NLRP14: variants seen among roughly 807,000 people sequenced by gnomAD.
NLRP14 encodes the protein NACHT, LRR and PYD domains-containing protein 14.
NLRP14 carries 105 observed loss-of-function variants against 94.7 expected under a neutral mutation model. That is an observed-to-expected ratio of 1.11 (90% CI 0.95 to 1.30). The LOEUF (loss-of-function observed/expected upper bound fraction) is 1.30. Ranked by LOEUF, NLRP14 falls within the 50% of genes most tolerant of loss-of-function variation. NLRP14 has a pLI of 0.00. For synonymous variants in NLRP14, 508 were observed against 459.9 expected, an observed-to-expected ratio of 1.10 and a Z score of -1.34; for missense variants, 1,362 against 1,254.1, an observed-to-expected ratio of 1.09 and a Z score of -1.30.
At chr11:7,047,768 C>A (rs7940101) in intron 5 of NLRP14, among the ~76,000 whole-genome samples, 1 of 129,584 alleles carries the variant, frequency 7.7e-6, no homozygotes, top group East Asian at 2.2e-4. Flanking sequence ...CTTTTCTTTT[C>A]TTTTTTTTTT....
chr11:7,070,563 T>A, intron 11 of NLRP14, 107 bp downstream of exon 11: 1 of 750,490 alleles, frequency 1.3e-6, no homozygotes, highest in Non-Finnish European at 2.3e-6. Flanking sequence ...TATCATTGGG[T>A]ATTTTCTAGA....
chr11:7,049,971 G>A (rs983631716), intron 6 of NLRP14, 133 bp downstream of exon 6: 27 of 779,682 alleles, frequency 3.5e-5, no homozygotes, highest in Non-Finnish European at 5.4e-5. Flanking sequence ...GGGGTAGCAA[G>A]CATCTGTAGA....
chr11:7,067,004 G>A (rs117061716), intron 10 of NLRP14, among the ~76,000 whole-genome samples: 7,726 of 152,160 alleles, frequency 0.051, 262 homozygotes, highest in East Asian at 0.13. Flanking sequence ...CAAAGGTCAA[G>A]TGGTTGTAGG....
intron 10 of NLRP14, among the ~76,000 whole-genome samples, chr11:7,064,112 G>A: frequency 6.6e-6 from 1 of 152,132 alleles, no homozygotes; most frequent in East Asian, 1.9e-4. Flanking sequence ...AGTCTCACTG[G>A]TAGTTGTAGC....
the NLRP14 span, among the ~76,000 whole-genome samples, chr11:7,076,718 ATTTAT>A: frequency 1.3e-5 from 2 of 151,608 alleles, no homozygotes; most frequent in Non-Finnish European, 2.9e-5. Context: ...ACAGATATGT[ATTTAT>A]TTTATTTCCC....
intron 1 of NLRP14, among the ~76,000 whole-genome samples, chr11:7,033,485 T>G (rs1369734170): frequency 6.6e-6 from 1 of 152,218 alleles, no homozygotes; most frequent in African/African-American, 2.4e-5. Context: ...CATAGTGTTC[T>G]TTTTCTATTC....
downstream of NLRP14, among the ~76,000 whole-genome samples, chr11:7,073,833 G>C (rs1039349420): frequency 1.3e-5 from 2 of 152,198 alleles, no homozygotes; most frequent in Non-Finnish European, 2.9e-5. Context: ...ACATGGATGT[G>C]TTTAGCAACC....
Position 7,043,798 on chromosome 11 carries a change from A to C in NLRP14, c.1772A>C (p.Asp591Ala). The change falls in exon 4 of 12, where the codon GAT becomes GCT. Residue 591 changes from aspartate to alanine, a missense_variant. Coordinates refer to ENST00000299481, the MANE Select transcript of NLRP14 (RefSeq NM_176822.4). ...TTTCACTGTCTGTATGAGACTCAAG[A>C]TAAAGCGTTTATAAGCCAGGCAATG... ...ELFHCLYETQ[D>A]KAFISQAMRC... 6.2e-7 allele frequency: 1 copy of C among 1,614,238 alleles called. No individual in the cohort carries two copies. Among genetic ancestry groups the C allele is most frequent in the African/African-American group, 1.3e-5 (1 of 75,064 alleles).
At chr11:7,090,698 T>C in the NLRP14 span, 4 of 288,970 alleles carry the variant, frequency 1.4e-5, no homozygotes, top group Non-Finnish European at 2.8e-5. Flanking sequence ...TTAAACCAAC[T>C]AGATTTTGGG....
chr11:7,041,014 T>C (rs149008179), intron 3 of NLRP14, among the ~76,000 whole-genome samples: 4 of 152,188 alleles, frequency 2.6e-5, no homozygotes, highest in African/African-American at 9.6e-5. Flanking sequence ...CTATTTATTA[T>C]GGGAACTTTG....
At chr11:7,078,595 C>T in the NLRP14 span, among the ~76,000 whole-genome samples, 13 of 151,338 alleles carry the variant, frequency 8.6e-5, no homozygotes, top group Non-Finnish European at 1.9e-4. Context: ...TTTGAGACCA[C>T]CCTGGCTAAC....
At chr11:7,069,384 T>C (rs1417687612) in intron 10 of NLRP14, among the ~76,000 whole-genome samples, 2 of 152,196 alleles carry the variant, frequency 1.3e-5, no homozygotes, top group South Asian at 2.1e-4. Flanking sequence ...TCAAATTGTT[T>C]AGGAGAATGT....
At chr11:7,056,330 A>C (rs1852514252) in intron 6 of NLRP14, among the ~76,000 whole-genome samples, 1 of 151,952 alleles carries the variant, frequency 6.6e-6, no homozygotes, top group Non-Finnish European at 1.5e-5. Flanking sequence ...TCTAAAGTCC[A>C]GGTATCTTAT....
chr11:7,040,951 G>C (rs1852238285), intron 3 of NLRP14, among the ~76,000 whole-genome samples: 1 of 152,088 alleles, frequency 6.6e-6, no homozygotes, highest in South Asian at 2.1e-4. Flanking sequence ...ATTGCACACA[G>C]ATAGCTAATA....
chr11:7,085,310 A>G, the NLRP14 span, among the ~76,000 whole-genome samples: 3 of 152,216 alleles, frequency 2.0e-5, no homozygotes, highest in African/African-American at 7.2e-5. Flanking sequence ...AAGTGTATTC[A>G]TACTGTTGTG....
chr11:7,041,538 G>A (rs961104640), intron 3 of NLRP14, among the ~76,000 whole-genome samples: 9 of 152,048 alleles, frequency 5.9e-5, no homozygotes, highest in Admixed American at 6.6e-5. Context: ...TTCAAAAGTT[G>A]TAAAGTACTC....
At position 7,070,486 on chromosome 11, in the gene NLRP14, CA is replaced by C. The variant is rs564894104; in HGVS notation, c.3146+31del. 2.5e-3 allele frequency: 3,940 copies of C among 1,548,086 alleles called. 9 individuals carry two copies. The highest frequency in any genetic ancestry group is 4.4e-3 in the South Asian group (390 of 89,044). ...GTCTCCATTGGCTTCTCAGGGGGAGCATTTCCTATAATGAGGGATTTGGGGA... is the reference window on the plus strand; with the variant it reads ...GTCTCCATTGGCTTCTCAGGGGGAGCTTTCCTATAATGAGGGATTTGGGGA... On this transcript the variant is annotated intron_variant, in intron 11 of 11. Coordinates refer to ENST00000299481, the MANE Select transcript of NLRP14 (RefSeq NM_176822.4).
chr11:7,054,280 A>G (rs1285671397), intron 6 of NLRP14, among the ~76,000 whole-genome samples: 2 of 152,100 alleles, frequency 1.3e-5, no homozygotes, highest in Non-Finnish European at 2.9e-5. Context: ...GAGTGCAGGT[A>G]TCTCTTCAAT....
chr11:7,060,121 A>T, intron 9 of NLRP14, 57 bp downstream of exon 9: 1 of 1,446,110 alleles, frequency 6.9e-7, no homozygotes, highest in Non-Finnish European at 9.7e-7. Flanking sequence ...GTCTGGGGAG[A>T]TACTGAAAGA....
Sources: allele counts gnomAD v4.1 joint callset (sites outside exome capture counted in the v4.1 genomes callset), GRCh38; gene constraint gnomAD v4.1.1; transcripts MANE v1.5; gene names NCBI Gene and HGNC (gene_info 2026-07-23, HGNC 2026-07-21).